HS2ST1: variants seen among roughly 807,000 people sequenced by gnomAD.
HS2ST1 encodes the protein 2-O-sulfotransferase.
A neutral mutation model predicts 42.9 loss-of-function variants in HS2ST1; 18 were observed. The observed-to-expected ratio is 0.42, with a 90% CI of 0.29 to 0.62. HS2ST1 has a LOEUF of 0.62. Ranked by LOEUF, HS2ST1 falls within the 20% of genes least tolerant of loss-of-function variation. HS2ST1 has a pLI of 0.21. For synonymous variants in HS2ST1, 146 were observed against 152.9 expected, an observed-to-expected ratio of 0.95 and a Z score of 0.33; for missense variants, 334 against 433.8, an observed-to-expected ratio of 0.77 and a Z score of 2.04.
chr1:86,941,990 G>C (rs890264771), intron 1 of HS2ST1, among the ~76,000 whole-genome samples: 12 of 152,182 alleles, frequency 7.9e-5, no homozygotes, highest in African/African-American at 2.9e-4. Flanking sequence ...ACTGTACTTA[G>C]AGGTTATAAA....
At chr1:86,965,822 A>C (rs2102203330) in intron 1 of HS2ST1, among the ~76,000 whole-genome samples, 1 of 152,292 alleles carries the variant, frequency 6.6e-6, no homozygotes, top group African/African-American at 2.4e-5. Context: ...GAGTATTTCT[A>C]CCCTCTCAGG....
chr1:87,062,700 G>C (rs1651147305), intron 1 of HS2ST1, among the ~76,000 whole-genome samples: 1 of 152,032 alleles, frequency 6.6e-6, no homozygotes, highest in Non-Finnish European at 1.5e-5. Context: ...TATTTATAGA[G>C]TTTTTTTAGC....
At chr1:87,041,574 A>G (rs1002803929) in intron 1 of HS2ST1, among the ~76,000 whole-genome samples, 21 of 152,174 alleles carry the variant, frequency 1.4e-4, no homozygotes, top group African/African-American at 5.1e-4. Context: ...CTGACACTTT[A>G]TACACATTAA....
At chr1:86,944,926 T>C (rs1414916035) in intron 1 of HS2ST1, among the ~76,000 whole-genome samples, 1 of 152,018 alleles carries the variant, frequency 6.6e-6, no homozygotes. Context: ...ATTGTACGTT[T>C]AGCTTCAAAC....
At chr1:86,959,981 A>G (rs1311465502) in intron 1 of HS2ST1, among the ~76,000 whole-genome samples, 1 of 152,198 alleles carries the variant, frequency 6.6e-6, no homozygotes, top group Non-Finnish European at 1.5e-5. Flanking sequence ...AGACTAGGCA[A>G]CACAATATTA....
intron 1 of HS2ST1, among the ~76,000 whole-genome samples, chr1:87,047,653 A>G (rs1051815794): frequency 1.3e-5 from 2 of 152,198 alleles, no homozygotes; most frequent in African/African-American, 2.4e-5. Context: ...TTCCCATACT[A>G]TTTGTTGAAG....
At chr1:87,019,611 G>C (rs1386422209) in intron 1 of HS2ST1, among the ~76,000 whole-genome samples, 1 of 152,100 alleles carries the variant, frequency 6.6e-6, no homozygotes, top group Non-Finnish European at 1.5e-5. Flanking sequence ...TGCAAGTGTT[G>C]ATTTTTCCTC....
chr1:87,041,226 A>G (rs1300654754), intron 1 of HS2ST1, among the ~76,000 whole-genome samples: 2 of 17,184 alleles, frequency 1.2e-4, no homozygotes, highest in African/African-American at 2.1e-4. Context: ...TGTCTCTACT[A>G]AAAAAAAAAA....
intron 1 of HS2ST1, among the ~76,000 whole-genome samples, chr1:86,941,755 A>G (rs1193634987): frequency 6.6e-6 from 1 of 152,202 alleles, no homozygotes; most frequent in Non-Finnish European, 1.5e-5. Context: ...AGCCTGGGCA[A>G]CAGAGCAAGA....
chr1:86,979,989 T>C (rs1014090576), intron 1 of HS2ST1, among the ~76,000 whole-genome samples: 6 of 152,212 alleles, frequency 3.9e-5, no homozygotes, highest in African/African-American at 7.2e-5. Context: ...CTTTGGAAAA[T>C]CTTGCTCAAT....
At chr1:87,046,605 C>A in intron 1 of HS2ST1, 1 of 1,577,934 alleles carries the variant, frequency 6.3e-7, no homozygotes. Context: ...TTGGACTGGG[C>A]TGAAGTACAA....
chr1:86,978,861 C>CTTTTTTTTTTT, intron 1 of HS2ST1, among the ~76,000 whole-genome samples: 1 of 98,672 alleles, frequency 1.0e-5, no homozygotes, highest in Non-Finnish European at 1.9e-5. Context: ...ACTTGTGAAT[C>CTTTTTTTTTTT]TTTTTTTTTT....
intron 5 of HS2ST1, chr1:87,098,501 A>G: frequency 2.6e-6 from 1 of 387,198 alleles, no homozygotes; most frequent in Non-Finnish European, 3.5e-6. Flanking sequence ...GTTCTATTCA[A>G]TCATTTTAAT....
At chr1:86,951,873 A>G (rs752435753) in intron 1 of HS2ST1, among the ~76,000 whole-genome samples, 7 of 152,172 alleles carry the variant, frequency 4.6e-5, no homozygotes, top group Non-Finnish European at 8.8e-5. Flanking sequence ...CCAGGCATAG[A>G]TTTCATCTCA....
At chr1:87,079,660 G>A (rs1044177258) in intron 2 of HS2ST1, among the ~76,000 whole-genome samples, 9 of 152,116 alleles carry the variant, frequency 5.9e-5, no homozygotes, top group African/African-American at 1.9e-4. Flanking sequence ...AGAAAAATAC[G>A]TATGCCAGAT....
chr1:87,004,677 G>C (rs752002913), intron 1 of HS2ST1, among the ~76,000 whole-genome samples: 8 of 152,084 alleles, frequency 5.3e-5, no homozygotes, highest in Non-Finnish European at 1.2e-4. Context: ...AGTTTGATAC[G>C]AGAATATAAA....
rs559807732 is a variant in HS2ST1, at chr1:86,954,971, C to T, written c.124+39811C>T. Among the ~76,000 whole-genome samples, 148 of 152,050 alleles carry T rather than the reference C, an allele frequency of 9.7e-4. 1 individual carries two copies. Among genetic ancestry groups the T allele is most frequent in the African/African-American group, 3.4e-3 (140 of 41,482 alleles). On this transcript the variant is annotated intron_variant, in intron 1 of 6. Coordinates refer to ENST00000370550, the MANE Select transcript of HS2ST1 (RefSeq NM_012262.4). ...AAATTAGCCAGGTGTGGTGGCTCAT[C>T]CCTGTAGTCCCAGCTACTCAGGAGG... is the stretch of plus-strand genomic sequence containing the variant.
chr1:87,056,715 T>G (rs1337376230), intron 1 of HS2ST1, among the ~76,000 whole-genome samples: 2 of 152,218 alleles, frequency 1.3e-5, no homozygotes, highest in African/African-American at 2.4e-5. Context: ...TTGTATAATT[T>G]TTATTATACA....
At chr1:86,964,970 A>G (rs959286149) in intron 1 of HS2ST1, among the ~76,000 whole-genome samples, 3 of 152,196 alleles carry the variant, frequency 2.0e-5, no homozygotes, top group East Asian at 1.9e-4. Flanking sequence ...TACTCATTCT[A>G]GATCTCCTTT....
Sources: allele counts gnomAD v4.1 joint callset (sites outside exome capture counted in the v4.1 genomes callset), GRCh38; gene constraint gnomAD v4.1.1; transcripts MANE v1.5; gene names NCBI Gene and HGNC (gene_info 2026-07-23, HGNC 2026-07-21).